Variants in SH3BP4 observed in about 807,000 individuals in gnomAD.
The protein encoded by SH3BP4 is SH3 domain-binding protein 4.
A neutral mutation model predicts 65.5 loss-of-function variants in SH3BP4; 33 were observed. The observed-to-expected ratio is 0.50, with a 90% CI of 0.38 to 0.67. The LOEUF (loss-of-function observed/expected upper bound fraction) is 0.67, where lower values mean the gene tolerates loss of function less well. Among genes scored for constraint, SH3BP4 ranks in the 30% least tolerant of loss-of-function variants. The probability of loss-of-function intolerance (pLI) is 0.00; values close to 1 mark genes in which losing one functional copy is unlikely to be tolerated. For missense variants in SH3BP4, 1,134 were observed against 1,261.4 expected, an observed-to-expected ratio of 0.90 and a Z score of 1.53; for synonymous variants, 552 against 545.5, an observed-to-expected ratio of 1.01 and a Z score of -0.17.
intron 2 of SH3BP4, among the ~76,000 whole-genome samples, chr2:235,024,609 G>A (rs188624387): frequency 6.6e-6 from 1 of 152,204 alleles, no homozygotes; most frequent in East Asian, 1.9e-4. Context: ...ATCAGGGAAA[G>A]CCCCTTTCAA....
rs897110428 is a variant in SH3BP4, at chr2:235,042,467, G to C, written c.1698G>C (p.Leu566=). ...TGGTGCGAGGATTCCAGCTGAAGCT[G>C]GGCAAGGTGAGCCGCCTGATCTTCC... is the stretch of plus-strand genomic sequence containing the variant. ...AKVVRGFQLK[L]GKVSRLIFPI... The change falls in exon 4 of 6, where the codon CTG becomes CTC. Residue 566 remains leucine (L), a synonymous_variant. Coordinates refer to ENST00000392011, the MANE Select transcript of SH3BP4 (RefSeq NM_014521.3). The surrounding 1 kb of genome is among the most constrained non-coding windows in gnomAD (Gnocchi z 7.3). 6.2e-7 allele frequency: 1 copy of C among 1,614,036 alleles called. No homozygotes were observed. Among genetic ancestry groups the C allele is most frequent in the Non-Finnish European group, 8.5e-7 (1 of 1,180,028 alleles).
intron 2 of SH3BP4, among the ~76,000 whole-genome samples, chr2:235,007,329 C>T (rs905050430): frequency 6.6e-6 from 1 of 152,140 alleles, no homozygotes; most frequent in Admixed American, 6.5e-5. Flanking sequence ...CTGAAAAGCC[C>T]CAGATACTGA....
intron 2 of SH3BP4, among the ~76,000 whole-genome samples, chr2:235,014,842 C>T (rs894193897): frequency 6.6e-6 from 1 of 152,200 alleles, no homozygotes; most frequent in Non-Finnish European, 1.5e-5. Context: ...AAGACAGTCA[C>T]ATTTACAGCT....
intron 3 of SH3BP4, among the ~76,000 whole-genome samples, chr2:235,038,366 A>T (rs9679504): frequency 7.6e-5 from 3 of 39,664 alleles, no homozygotes; most frequent in African/African-American, 3.5e-4. Context: ...ATATATATAT[A>T]ATATATATAC....
In SH3BP4 at chr2:235,045,518, A is replaced by G. The variant is rs2379178; in HGVS notation, c.2478+2271A>G. 0.59 allele frequency among the ~76,000 whole-genome samples: 89,702 copies of G among 151,930 alleles called. 29,821 individuals are homozygous for G. The highest frequency in any genetic ancestry group is 0.88 in the African/African-American group (36,493 of 41,464). On this transcript the variant is annotated intron_variant, in intron 4 of 5. Transcript: ENST00000392011. The surrounding 1 kb of genome is among the most constrained non-coding windows in gnomAD (Gnocchi z 4.3). ...TGCCCGAGTCCTTCCGCTACCCAGA[A>G]AGGAGGAAGTGAAACTTGCCCTTGG...
At chr2:234,990,887 G>C (rs1693728143) in intron 1 of SH3BP4, among the ~76,000 whole-genome samples, 1 of 152,210 alleles carries the variant, frequency 6.6e-6, no homozygotes, top group East Asian at 1.9e-4. Context: ...GGGGTTTGCA[G>C]GTAGCTGTTG....
intron 4 of SH3BP4, among the ~76,000 whole-genome samples, chr2:235,047,359 G>A (rs770439433): frequency 4.6e-5 from 7 of 152,184 alleles, no homozygotes; most frequent in Admixed American, 1.3e-4. Flanking sequence ...CCCCTGATGC[G>A]TCAGAGGCGA....
intron 3 of SH3BP4, among the ~76,000 whole-genome samples, chr2:235,038,292 ATATATATTATATATATATAT>A (rs1695472911): frequency 8.4e-5 from 1 of 11,902 alleles, no homozygotes; most frequent in African/African-American, 1.2e-3. Context: ...TATATATAAT[ATATATATTATATATATATAT>A]TATATATTAT....
At chr2:234,969,759 T>C (rs545361908) in intron 1 of SH3BP4, among the ~76,000 whole-genome samples, 1 of 152,308 alleles carries the variant, frequency 6.6e-6, no homozygotes, top group Non-Finnish European at 1.5e-5. Flanking sequence ...GAAGCATGTG[T>C]GTACCCCAGC....
intron 1 of SH3BP4, among the ~76,000 whole-genome samples, chr2:234,985,957 T>C (rs112139660): frequency 8.3e-4 from 111 of 133,074 alleles, no homozygotes; most frequent in African/African-American, 3.2e-3. Context: ...TTGATATACA[T>C]CTATGAGCGC....
chr2:234,966,623 G>A (rs11688713), intron 1 of SH3BP4, among the ~76,000 whole-genome samples: 3,488 of 152,310 alleles, frequency 0.023, 56 homozygotes, highest in Non-Finnish European at 0.027. Context: ...GATATTAACC[G>A]AGGGGAATTG....
At chr2:235,027,198 G>T (rs1276505417) in intron 2 of SH3BP4, among the ~76,000 whole-genome samples, 1 of 152,256 alleles carries the variant, frequency 6.6e-6, no homozygotes, top group Non-Finnish European at 1.5e-5. Flanking sequence ...CTCTACTTGG[G>T]CTGTTGCCCA....
At chr2:234,965,399 C>A (rs1692811540) in intron 1 of SH3BP4, among the ~76,000 whole-genome samples, 1 of 152,212 alleles carries the variant, frequency 6.6e-6, no homozygotes, top group Non-Finnish European at 1.5e-5. Flanking sequence ...TGTCTCTGCA[C>A]CCCCGTGAGC....
intron 4 of SH3BP4, among the ~76,000 whole-genome samples, chr2:235,047,566 T>G (rs1695906011): frequency 6.6e-6 from 1 of 152,166 alleles, no homozygotes. Flanking sequence ...TATTCCCAAT[T>G]CTCGGGATAC....
chr2:235,018,761 T>G (rs1458398294), intron 2 of SH3BP4, among the ~76,000 whole-genome samples: 1 of 152,156 alleles, frequency 6.6e-6, no homozygotes, highest in Non-Finnish European at 1.5e-5. Flanking sequence ...ATACCTGGTG[T>G]TGTTCTGGGA....
chr2:235,050,532 C>T (rs865828623), intron 4 of SH3BP4, among the ~76,000 whole-genome samples: 1 of 152,096 alleles, frequency 6.6e-6, no homozygotes, highest in Middle Eastern at 3.2e-3. Context: ...AGGGAGGCAT[C>T]AGAATGATCT....
intron 4 of SH3BP4, among the ~76,000 whole-genome samples, chr2:235,050,629 C>A (rs753673915): frequency 3.2e-4 from 49 of 152,014 alleles, no homozygotes; most frequent in Admixed American, 1.4e-3. Context: ...CTGGCTAATG[C>A]ATGCCACAAG....
intron 1 of SH3BP4, among the ~76,000 whole-genome samples, chr2:234,984,200 CGTTT>C (rs112568346): frequency 2.0e-5 from 3 of 152,092 alleles, no homozygotes; most frequent in African/African-American, 4.8e-5. Context: ...TATGAGTTTT[CGTTT>C]GTTTGTTTGT....
intron 1 of SH3BP4, among the ~76,000 whole-genome samples, chr2:234,972,722 TA>T (rs766292413): frequency 5.3e-5 from 8 of 151,578 alleles, no homozygotes; most frequent in Non-Finnish European, 7.4e-5. Context: ...AAGACCTTGT[TA>T]AAAAAAAATA....
Sources: gnomAD v4.1 joint callset for allele counts (sites outside exome capture counted in the v4.1 genomes callset) on GRCh38, gnomAD v4.1.1 for gene constraint, Gnocchi (gnomAD v3.1) non-coding constraint, MANE v1.5 for transcripts, NCBI Gene and HGNC (gene_info 2026-07-23, HGNC 2026-07-21) for gene names.